ITGA11: variants seen among roughly 807,000 people sequenced by gnomAD.
ITGA11 encodes integrin subunit alpha 11.
ITGA11 carries 97 observed loss-of-function variants against 141.9 expected under a neutral mutation model. The ratio of observed to expected loss-of-function variants is 0.68; its 90% CI spans 0.58 to 0.81. The LOEUF (loss-of-function observed/expected upper bound fraction) is 0.81, where lower values mean the gene tolerates loss of function less well. Among genes scored for constraint, ITGA11 ranks in the 30% least tolerant of loss-of-function variants. The probability of loss-of-function intolerance (pLI) is 0.00; values close to 1 mark genes in which losing one functional copy is unlikely to be tolerated. For missense variants in ITGA11, 1,387 were observed against 1,559.2 expected (o/e 0.89, Z 1.86); for synonymous variants, 658 against 624.6 (o/e 1.05, Z -0.80).
At position 68,327,986 on chromosome 15, in the gene ITGA11, C is replaced by T. The variant is rs7176267; in HGVS notation, c.2068+110G>A. On this transcript the variant is annotated intron_variant, in intron 16 of 29. Transcript: ENST00000315757. ...GTAGTCATCCAAGGTGGCTCTTGGG[C>T]GACCTGGCACTTAGCACCCATTTTG... 22,764 of 1,097,756 alleles carry T rather than the reference C, an allele frequency of 0.021. 2,447 individuals carry two copies. In the African/African-American group the frequency reaches 0.27, roughly 13 times the overall value. The allele number at this position is 1,097,756 out of a possible 1,614,324, so 68.0% of individuals were successfully genotyped here.
intron 2 of ITGA11, among the ~76,000 whole-genome samples, chr15:68,370,380 G>A (rs78345608): frequency 0.14 from 20,713 of 152,178 alleles, 1,827 homozygotes; most frequent in Non-Finnish European, 0.2. Context: ...CTGATGCTGG[G>A]GAGAGTTCTA....
At position 68,305,149 on chromosome 15, in the gene ITGA11, A is replaced by T. The variant is rs1395277293; in HGVS notation, c.3382-1264T>A. Among the ~76,000 whole-genome samples the T allele has an allele frequency of 6.6e-6, 1 of 152,294 alleles. No homozygotes were observed. Among genetic ancestry groups the T allele is most frequent in the East Asian group, 1.9e-4 (1 of 5,162 alleles). On this transcript the variant is annotated intron_variant, in intron 28 of 29. Coordinates refer to ENST00000315757, the MANE Select transcript of ITGA11 (RefSeq NM_001004439.2). The surrounding 1 kb of genome is among the most constrained non-coding windows in gnomAD (Gnocchi z 4.6). ...TCCCTCTTGCTTTACTCCAGCTTTCAGCCACCTGGCCTCCAGCATGCATGC... is the reference window on the plus strand; with the variant it reads ...TCCCTCTTGCTTTACTCCAGCTTTCTGCCACCTGGCCTCCAGCATGCATGC...
At chr15:68,405,193 C>T (rs899806615) in intron 1 of ITGA11, among the ~76,000 whole-genome samples, 1 of 113,316 alleles carries the variant, frequency 8.8e-6, no homozygotes, top group Non-Finnish European at 1.7e-5. Flanking sequence ...AAACACATAA[C>T]AGTAGCCAAA....
chr15:68,410,601 G>A (rs1390504057), intron 1 of ITGA11, among the ~76,000 whole-genome samples: 1 of 152,236 alleles, frequency 6.6e-6, no homozygotes, highest in Non-Finnish European at 1.5e-5. Context: ...CGTATCCTCT[G>A]CATTGCTGCC....
intron 9 of ITGA11, among the ~76,000 whole-genome samples, chr15:68,349,478 C>A (rs1019918596): frequency 1.3e-5 from 2 of 152,234 alleles, no homozygotes; most frequent in East Asian, 3.9e-4. Context: ...TCAAGGCGAC[C>A]ATTTTGAGGA....
chr15:68,417,443 C>G (rs1256300339), intron 1 of ITGA11, among the ~76,000 whole-genome samples: 2 of 152,166 alleles, frequency 1.3e-5, no homozygotes, highest in African/African-American at 4.8e-5. Context: ...CTAAGCCATC[C>G]TCTTCATTTT....
chr15:68,356,972 C>G, intron 7 of ITGA11, 179 bp downstream of exon 7: 1 of 605,458 alleles, frequency 1.7e-6, no homozygotes, highest in South Asian at 2.1e-5. Flanking sequence ...ACTGCAACTA[C>G]CTGAGAGGAC....
chr15:68,362,055 C>T (rs1241730118), intron 4 of ITGA11: 9 of 234,874 alleles, frequency 3.8e-5, no homozygotes, highest in South Asian at 1.2e-4. Flanking sequence ...TTTTCACCCA[C>T]GGGTGTGAAC....
intron 1 of ITGA11, among the ~76,000 whole-genome samples, chr15:68,429,074 T>C (rs986177989): frequency 2.0e-5 from 3 of 152,232 alleles, no homozygotes; most frequent in Non-Finnish European, 4.4e-5. Flanking sequence ...ATATCTTGAG[T>C]GCTACTGCTG....
At chr15:68,319,292 A>G (rs1186287308) in intron 20 of ITGA11, among the ~76,000 whole-genome samples, 1 of 152,174 alleles carries the variant, frequency 6.6e-6, no homozygotes, top group African/African-American at 2.4e-5. Flanking sequence ...CACCACCACC[A>G]CTACCACCAC....
chr15:68,403,616 CTT>C, intron 1 of ITGA11, among the ~76,000 whole-genome samples: 1 of 5,920 alleles, frequency 1.7e-4, no homozygotes, highest in African/African-American at 4.7e-3. Flanking sequence ...AACCTCTTTT[CTT>C]TCTTTCTTTC....
chr15:68,306,044 G>A (rs1461474100), intron 28 of ITGA11, among the ~76,000 whole-genome samples: 1 of 139,020 alleles, frequency 7.2e-6, no homozygotes, highest in African/African-American at 2.7e-5. Context: ...AAAAAAATTA[G>A]CCAGGCGTAG....
At chr15:68,403,552 G>A (rs1222293979) in intron 1 of ITGA11, among the ~76,000 whole-genome samples, 1 of 152,174 alleles carries the variant, frequency 6.6e-6, no homozygotes, top group Non-Finnish European at 1.5e-5. Flanking sequence ...CTCATTAGAA[G>A]CAGATGCTGG....
chr15:68,395,392 G>A (rs997988951), intron 2 of ITGA11, among the ~76,000 whole-genome samples: 4 of 151,870 alleles, frequency 2.6e-5, no homozygotes, highest in Non-Finnish European at 5.9e-5. Context: ...AGCTAAAGGA[G>A]CATGTTCAAA....
At chr15:68,425,426 GT>G (rs546697822) in intron 1 of ITGA11, among the ~76,000 whole-genome samples, 55 of 152,378 alleles carry the variant, frequency 3.6e-4, no homozygotes, top group African/African-American at 1.3e-3. Context: ...AGAGAACCCT[GT>G]CTACAAACTA....
At chr15:68,393,988 T>C (rs1302662079) in intron 2 of ITGA11, among the ~76,000 whole-genome samples, 2 of 152,132 alleles carry the variant, frequency 1.3e-5, no homozygotes, top group East Asian at 1.9e-4. Context: ...AAAATACTAA[T>C]TGCAAATAGA....
intron 10 of ITGA11, chr15:68,340,778 C>T (rs1035955933): frequency 6.6e-5 from 10 of 152,256 alleles, no homozygotes; most frequent in Admixed American, 4.6e-4. Flanking sequence ...TCCCCTGCTT[C>T]AGCAATCGAC....
At chr15:68,311,156 G>A in intron 25 of ITGA11, 76 bp from the exon 26 acceptor site, 1 of 1,364,314 alleles carries the variant, frequency 7.3e-7, no homozygotes, top group Non-Finnish European at 1.0e-6. Flanking sequence ...ATCCCAGAGA[G>A]GTTTCTTTTC....
intron 2 of ITGA11, among the ~76,000 whole-genome samples, chr15:68,376,229 T>TC (rs869115265): frequency 3.2e-3 from 15 of 4,728 alleles, no homozygotes; most frequent in South Asian, 0.038. Flanking sequence ...TTCTCCTCTC[T>TC]TTTTTTTTTC....
Sources: allele counts gnomAD v4.1 joint callset (sites outside exome capture counted in the v4.1 genomes callset), GRCh38; gene constraint gnomAD v4.1.1; non-coding constraint Gnocchi (gnomAD v3.1); transcripts MANE v1.5; gene names NCBI Gene and HGNC (gene_info 2026-07-23, HGNC 2026-07-21).